Variants in ZNF844 observed in about 807,000 individuals in gnomAD.
ZNF844 encodes zinc finger protein 844.
Under a neutral mutation model 11.4 loss-of-function variants are expected in ZNF844, and 11 were observed. That is an observed-to-expected ratio of 0.97 (90% CI 0.61 to 1.60). The LOEUF (loss-of-function observed/expected upper bound fraction) is 1.60. Ranked by LOEUF, ZNF844 falls within the 40% of genes most tolerant of loss-of-function variation. ZNF844 has a pLI of 0.00. For synonymous variants in ZNF844, 248 were observed against 260.3 expected (o/e 0.95, Z 0.46); for missense variants, 790 against 796.8 (o/e 0.99, Z 0.10).
At position 12,076,717 on chromosome 19, in the gene ZNF844, A is replaced by T; in HGVS notation, c.1597A>T (p.Asn533Tyr). ...ACTCACACTGGAAAGCAACTGTATG[A>T]ATCTAAACAATGTGAAAAAACCTTT... ...KGLTLESNCM[N>Y]LNNVKKPLDL... Residue 533 changes from asparagine to tyrosine, a missense_variant, in exon 4 of 4, where the codon AAT becomes TAT. Asn to Tyr is a moderately radical substitution (Grantham distance 143). Transcript: ENST00000439326. 3.1e-6 allele frequency: 5 copies of T among 1,612,488 alleles called. No individual in the cohort carries two copies. Among genetic ancestry groups the T allele is most frequent in the Non-Finnish European group, 4.2e-6 (5 of 1,179,458 alleles).
chr19:12,074,338 CTT>C (rs1262886125), intron 2 of ZNF844, 21 bp from the exon 3 acceptor site: 2 of 1,508,790 alleles, frequency 1.3e-6, no homozygotes, highest in Admixed American at 2.4e-5. Flanking sequence ...ATTCAGGATT[CTT>C]TTTCTGATTC....
At position 12,064,815 on chromosome 19, in the gene ZNF844, T is replaced by A. The variant is rs1975669586; in HGVS notation, c.-59T>A. On this transcript the variant is annotated 5_prime_UTR_variant, in exon 1 of 4. Transcript: ENST00000439326. ...ACCGGTTGCCACCGCCATACTTCTG[T>A]CGCCCTGTCGTCTGTGTTGTGACTG... is the stretch of plus-strand genomic sequence containing the variant. 1.3e-6 allele frequency: 2 copies of A among 1,543,154 alleles called. No homozygotes were observed. Among genetic ancestry groups the A allele is most frequent in the Non-Finnish European group, 1.7e-6 (2 of 1,143,004 alleles).
Position 12,064,844 on chromosome 19 carries a change from T to G in ZNF844, c.-30T>G. The G allele has an allele frequency of 6.5e-7, 1 of 1,549,360 alleles. No homozygotes were observed. The highest frequency in any genetic ancestry group is 8.7e-7 in the Non-Finnish European group (1 of 1,146,296). On this transcript the variant is annotated 5_prime_UTR_variant, in exon 1 of 4. Coordinates refer to ENST00000439326, the MANE Select transcript of ZNF844 (RefSeq NM_001136501.3). ...CCTGTCGTCTGTGTTGTGACTGCTT[T>G]GGACGTGGGAGTCACCTGAAAGCCA... is the stretch of plus-strand genomic sequence containing the variant.
rs76842919 is a variant in ZNF844, at chr19:12,075,917, A to G, written c.797A>G (p.Asn266Ser). The G allele has an allele frequency of 0.055, 88,586 of 1,602,318 alleles. 2,874 individuals carry two copies. Among genetic ancestry groups the G allele is most frequent in the Middle Eastern group, 0.085 (516 of 6,040 alleles). The change falls in exon 4 of 4, where the codon AAT becomes AGT. Residue 266 changes from asparagine (N) to serine (S), a missense_variant. Physicochemically the swap from Asn to Ser is conservative, Grantham distance 46. Around this residue, in one of 3 missense-constraint regions of ZNF844, gnomAD observed 657 missense variants for 636.2 expected, o/e 1.03. Coordinates refer to ENST00000439326, the MANE Select transcript of ZNF844 (RefSeq NM_001136501.3). Reference protein sequence around the residue: ...KECGKAFGSPNSLYEHRRTHT... With the variant: ...KECGKAFGSPSSLYEHRRTHT... ...TGTGGGAAAGCATTCGGTAGTCCCA[A>G]TTCCCTTTATGAACATAGAAGAACT...
At position 12,075,836 on chromosome 19, in the gene ZNF844, C is replaced by T. The variant is rs746633890; in HGVS notation, c.716C>T (p.Ser239Phe). The T allele has an allele frequency of 6.2e-7, 1 of 1,610,884 alleles. No individual in the cohort carries two copies. The highest frequency in any genetic ancestry group is 8.5e-7 in the Non-Finnish European group (1 of 1,178,668). ...GGTAAAGCCTTTAGTTATTCAACTTCCCTTCAAATACATGAAAGAACTCAC... is the reference window on the plus strand; with the variant it reads ...GGTAAAGCCTTTAGTTATTCAACTTTCCTTCAAATACATGAAAGAACTCAC... ...QCGKAFSYST[S>F]LQIHERTHTG... Residue 239 changes from serine (S) to phenylalanine (F), a missense_variant, in exon 4 of 4, where the codon TCC becomes TTC. Transcript: ENST00000439326.
chr19:12,070,217 G>A (rs1975740626), intron 1 of ZNF844: 1 of 151,800 alleles, frequency 6.6e-6, no homozygotes, highest in South Asian at 2.1e-4. Flanking sequence ...AAGCAGGGTT[G>A]GGCCTGGTTA....
At position 12,077,627 on chromosome 19, in the gene ZNF844, A is replaced by G; in HGVS notation, c.*506A>G. 1.8e-6 allele frequency: 1 copy of G among 549,656 alleles called. No individual in the cohort carries two copies. Among genetic ancestry groups the G allele is most frequent in the Non-Finnish European group, 3.6e-6 (1 of 277,426 alleles). 34.0% of individuals were successfully genotyped at this position (549,656 alleles called of 1,614,324 possible). ...ATAGAAAGATTCACACTGGCGAGAAACCCTATGAATGTAAGCAATGTGGGA... is the reference window on the plus strand; with the variant it reads ...ATAGAAAGATTCACACTGGCGAGAAGCCCTATGAATGTAAGCAATGTGGGA... On this transcript the variant is annotated 3_prime_UTR_variant, in exon 4 of 4. Transcript: ENST00000439326.
At position 12,081,507 on chromosome 19, in the gene ZNF844, CATT is replaced by C. The variant is rs1211259419; in HGVS notation, c.*4390_*4392del. 1 of 152,184 alleles carries C rather than the reference CATT, an allele frequency of 6.6e-6. No individual in the cohort carries two copies. Among genetic ancestry groups the C allele is most frequent in the Non-Finnish European group, 1.5e-5 (1 of 68,034 alleles). The allele number at this position is 152,184 out of a possible 1,614,324, so 9.4% of individuals were successfully genotyped here. Reference sequence around the variant, plus strand: ...TTTTCCACAACTGTATACTGACAAACATTATTCTTTCTTAATTAATTCAGTAGC... The same window carrying C: ...TTTTCCACAACTGTATACTGACAAACATTCTTTCTTAATTAATTCAGTAGC... On this transcript the variant is annotated 3_prime_UTR_variant, in exon 4 of 4. Coordinates refer to ENST00000439326, the MANE Select transcript of ZNF844 (RefSeq NM_001136501.3).
At chr19:12,067,943 A>AAGGAAG (rs1454266359) in intron 1 of ZNF844, among the ~76,000 whole-genome samples, 1 of 79,354 alleles carries the variant, frequency 1.3e-5, no homozygotes, top group Non-Finnish European at 2.2e-5. Context: ...AAAGAAAGAA[A>AAGGAAG]GAAGGAAAGA....
rs1263801585 is a variant in ZNF844 at position 12,076,217 on chromosome 19, G to C, written c.1097G>C (p.Cys366Ser). 6.3e-7 allele frequency: 1 copy of C among 1,598,482 alleles called. No homozygotes were observed. The highest frequency in any genetic ancestry group is 2.3e-5 in the East Asian group (1 of 43,890). ...KMHTRMRPYK[C>S]KTVEKPLILP... ...CACACTAGAATGAGACCTTATAAATGTAAGACTGTGGAAAAGCCTTTGATT... is the reference window on the plus strand; with the variant it reads ...CACACTAGAATGAGACCTTATAAATCTAAGACTGTGGAAAAGCCTTTGATT... The change falls in exon 4 of 4, where the codon TGT becomes TCT. Residue 366 changes from cysteine to serine, a missense_variant. This residue lies in a region of ZNF844 where 657 missense variants were observed against 636.2 expected (regional missense o/e 1.03). Coordinates refer to ENST00000439326, the MANE Select transcript of ZNF844 (RefSeq NM_001136501.3).
At position 12,077,786 on chromosome 19, in the gene ZNF844, C is replaced by T. The variant is rs1975848474; in HGVS notation, c.*665C>T. ...TTCAAATACAGACAATGAATGTAAA[C>T]AATTAAATGTTTATAGCAGCTGCAT... On this transcript the variant is annotated 3_prime_UTR_variant, in exon 4 of 4. Coordinates refer to ENST00000439326, the MANE Select transcript of ZNF844 (RefSeq NM_001136501.3). The T allele has an allele frequency of 3.0e-6, 1 of 338,838 alleles. No individual in the cohort carries two copies. Among genetic ancestry groups the T allele is most frequent in the Admixed American group, 4.0e-5 (1 of 25,074 alleles). 21.0% of individuals were successfully genotyped at this position (338,838 alleles called of 1,614,324 possible).
rs757663323 is a variant in ZNF844, at chr19:12,076,478, T to A, written c.1358T>A (p.Val453Glu). Reference protein sequence around the residue: ...LERNRMSVSNVGKPSDLPHTF... With the variant: ...LERNRMSVSNEGKPSDLPHTF... ...AGAAACCGTATGAGTGTAAGCAATG[T>A]GGGAAAGCCTTCAGATCTGCCTCAC... Residue 453 changes from valine (V) to glutamate (E), a missense_variant, in exon 4 of 4, where the codon GTG becomes GAG. Physicochemically the swap from Val to Glu is moderately radical, Grantham distance 121 (BLOSUM62 -2). Coordinates refer to ENST00000439326, the MANE Select transcript of ZNF844 (RefSeq NM_001136501.3). 3 of 1,613,382 alleles carry A rather than the reference T, an allele frequency of 1.9e-6. No homozygotes were observed. The Admixed American group carries it at 5.0e-5, about 27-fold the overall frequency.
At chr19:12,073,235 C>A (rs1192471864) in intron 1 of ZNF844, among the ~76,000 whole-genome samples, 1 of 151,992 alleles carries the variant, frequency 6.6e-6, no homozygotes, top group Non-Finnish European at 1.5e-5. Flanking sequence ...TCTCAGCTCA[C>A]CGCAACCTCC....
At chr19:12,072,277 G>A (rs1320540484) in intron 1 of ZNF844, among the ~76,000 whole-genome samples, 5 of 152,110 alleles carry the variant, frequency 3.3e-5, no homozygotes, top group East Asian at 1.9e-4. Context: ...TGCATACCAC[G>A]TTTTCTTTAT....
chr19:12,074,408 A>G lies in ZNF844; in HGVS notation c.178A>G (p.Arg60Gly). ...CATTGAAGATCAGTACAAAAATCCC[A>G]GGAATAATCTAAGGTGATTTAAACT... ...QNIEDQYKNP[R>G]NNLRSLLGER... Residue 60 changes from arginine (R) to glycine (G), a missense_variant, in exon 3 of 4, where the codon AGG becomes GGG. Arg to Gly is a moderately radical substitution (Grantham distance 125). Around this residue, in one of 3 missense-constraint regions of ZNF844, gnomAD observed 129 missense variants for 144.0 expected, o/e 0.90. Coordinates refer to ENST00000439326, the MANE Select transcript of ZNF844 (RefSeq NM_001136501.3). 5 of 1,537,914 alleles carry G rather than the reference A, an allele frequency of 3.3e-6. No individual in the cohort carries two copies. Among genetic ancestry groups the G allele is most frequent in the Non-Finnish European group, 3.5e-6 (4 of 1,142,920 alleles).
At chr19:12,070,348 C>T (rs1975742306) in intron 1 of ZNF844, 2 of 152,130 alleles carry the variant, frequency 1.3e-5, no homozygotes, top group Admixed American at 1.3e-4. Context: ...ATATCTGGTC[C>T]ATCTTCTTCT....
intron 2 of ZNF844, 67 bp from the exon 3 acceptor site, chr19:12,074,294 T>C: frequency 6.7e-7 from 1 of 1,491,402 alleles, no homozygotes; most frequent in Non-Finnish European, 9.1e-7. Flanking sequence ...CCCGTGAACA[T>C]AGAATCTAAT....
Position 12,079,076 on chromosome 19 carries a change from C to T in ZNF844, c.*1955C>T, listed in dbSNP as rs540230871. On this transcript the variant is annotated 3_prime_UTR_variant, in exon 4 of 4. Coordinates refer to ENST00000439326, the MANE Select transcript of ZNF844 (RefSeq NM_001136501.3). ...TGTTGGCCAGGTTCGTCTCGAACTCCTGACCTCAGGTGATCCACCTGCCTC... is the reference window on the plus strand; with the variant it reads ...TGTTGGCCAGGTTCGTCTCGAACTCTTGACCTCAGGTGATCCACCTGCCTC... 11 of 152,290 alleles carry T rather than the reference C, an allele frequency of 7.2e-5. No homozygotes were observed. The highest frequency in any genetic ancestry group is 2.6e-4 in the African/African-American group (11 of 41,530). The allele number at this position is 152,290 out of a possible 1,614,324, so 9.4% of individuals were successfully genotyped here. A position where few individuals can be genotyped will look rare whatever the true frequency, so the allele number is the denominator to read the frequency against.
chr19:12,069,374 G>T (rs1975728283), intron 1 of ZNF844, among the ~76,000 whole-genome samples: 1 of 150,888 alleles, frequency 6.6e-6, no homozygotes, highest in Admixed American at 6.6e-5. Flanking sequence ...AGTAGAGATA[G>T]GGTTTCACCA....
Sources: gnomAD v4.1 joint callset for allele counts (sites outside exome capture counted in the v4.1 genomes callset) on GRCh38, gnomAD v4.1.1 for gene constraint, gnomAD v4.1.1 regional missense constraint, MANE v1.5 for transcripts, NCBI Gene and HGNC (gene_info 2026-07-23, HGNC 2026-07-21) for gene names.